FKTN: variants seen among roughly 807,000 people sequenced by gnomAD.
The protein encoded by FKTN is fukutin, also known as ribitol-5-phosphate transferase FKTN.
A neutral mutation model predicts 58.6 loss-of-function variants in FKTN; 47 were observed. The observed-to-expected ratio is 0.80, with a 90% confidence interval of 0.63 to 1.02. FKTN has a LOEUF of 1.02. Ranked by LOEUF, FKTN falls within the 50% of genes least tolerant of loss-of-function variation. The pLI, the probability that FKTN is intolerant of heterozygous loss-of-function variation, is 0.00. For missense variants in FKTN, 516 were observed against 537.3 expected, an observed-to-expected ratio of 0.96 and a Z score of 0.39; for synonymous variants, 178 against 191.9, an observed-to-expected ratio of 0.93 and a Z score of 0.60.
In FKTN at chr9:105,637,991, G is replaced by A; in HGVS notation, c.*2727G>A. On this transcript the variant is annotated 3_prime_UTR_variant, in exon 11 of 11. Transcript: ENST00000357998. ...CCACTAGGTGACAGAATGTTTGCCA[G>A]TATCCCCACAAAACAAGTTAAAACT... 1.0e-6 allele frequency: 1 copy of A among 985,322 alleles called. No homozygotes were observed. Among genetic ancestry groups the A allele is most frequent in the Non-Finnish European group, 1.2e-6 (1 of 829,838 alleles). The allele number at this position is 985,322 out of a possible 1,614,324, so 61.0% of individuals were successfully genotyped here. A position where few individuals can be genotyped will look rare whatever the true frequency, so the allele number is the denominator to read the frequency against.
At chr9:105,594,367 A>T (rs1826362111) in intron 3 of FKTN, among the ~76,000 whole-genome samples, 1 of 152,208 alleles carries the variant, frequency 6.6e-6, no homozygotes, top group Non-Finnish European at 1.5e-5. Flanking sequence ...AAGGGGGAAA[A>T]GTCATCTAGG....
In FKTN at chr9:105,639,958, A is replaced by T. The variant is rs1010530315; in HGVS notation, c.*4694A>T. 6.7e-6 allele frequency: 10 copies of T among 1,492,838 alleles called. No homozygotes were observed. The highest frequency in any genetic ancestry group is 8.9e-6 in the Non-Finnish European group (10 of 1,125,118). The allele number at this position is 1,492,838 out of a possible 1,614,324, so 92.5% of individuals were successfully genotyped here. On this transcript the variant is annotated 3_prime_UTR_variant, in exon 11 of 11. Transcript: ENST00000357998. ...TTAGTGAAATTAGATATAAGCCATG[A>T]TTTGGAGAGGGAAGAAATCTGGAAT...
At chr9:105,616,045 C>G (rs1305291024) in intron 8 of FKTN, among the ~76,000 whole-genome samples, 54 of 152,098 alleles carry the variant, frequency 3.6e-4, no homozygotes, top group Admixed American at 3.5e-3. Context: ...CTGGGAAAAT[C>G]AAGGAATGTG....
intron 3 of FKTN, among the ~76,000 whole-genome samples, chr9:105,585,580 C>T (rs1183915511): frequency 1.3e-5 from 2 of 152,156 alleles, no homozygotes; most frequent in African/African-American, 2.4e-5. Context: ...CTCACTTACA[C>T]GCAGCGTTTT....
Position 105,576,171 on chromosome 9 carries a change from A to AT in FKTN, c.105+1042dup, listed in dbSNP as rs564539175. 5.9e-3 allele frequency among the ~76,000 whole-genome samples: 811 copies of AT among 137,526 alleles called. 9 individuals are homozygous for AT. The highest frequency in any genetic ancestry group is 0.021 in the African/African-American group (785 of 37,400). The allele number at this position is 137,526 out of a possible 152,430, so 90.2% of individuals were successfully genotyped here. A position where few individuals can be genotyped will look rare whatever the true frequency, so the allele number is the denominator to read the frequency against. On this transcript the variant is annotated intron_variant, in intron 3 of 10. Coordinates refer to ENST00000357998, the MANE Select transcript of FKTN (RefSeq NM_001079802.2). The stretch of plus-strand genomic sequence containing the variant: ...TTTTTTTTTTTTTTTTAATTAATTT[A>AT]TTTTTTTTATTATACTTTAAGTTTT...
intron 10 of FKTN, among the ~76,000 whole-genome samples, chr9:105,631,681 T>G (rs1045182725): frequency 6.6e-6 from 1 of 151,372 alleles, no homozygotes; most frequent in Non-Finnish European, 1.5e-5. Context: ...TCATCATCAC[T>G]GGCCATCAGA....
chr9:105,575,254 T>C, intron 3 of FKTN, 117 bp downstream of exon 3: 1 of 713,184 alleles, frequency 1.4e-6, no homozygotes, highest in Non-Finnish European at 2.5e-6. Context: ...CTTGCATCTT[T>C]GCGAGGTGTG....
chr9:105,601,149 C>G lies in FKTN; in HGVS notation c.170C>G (p.Ala57Gly), dbSNP rs1554751104. ...RIGFDSTQWR[A>G]VKKFIMLTSN... Reference sequence around the variant, plus strand: ...AATTCTTTTTCTCTCAAACAGCGTGCAGTTAAAAAATTTATTATGTTAACA... The same window carrying G: ...AATTCTTTTTCTCTCAAACAGCGTGGAGTTAAAAAATTTATTATGTTAACA... The change falls in exon 5 of 11, where the codon GCA becomes GGA. Residue 57 changes from alanine to glycine, a missense_variant. Transcript: ENST00000357998. The G allele has an allele frequency of 6.3e-7, 1 of 1,575,612 alleles. No individual in the cohort carries two copies. The highest frequency in any genetic ancestry group is 8.7e-7 in the Non-Finnish European group (1 of 1,146,470).
intron 10 of FKTN, among the ~76,000 whole-genome samples, chr9:105,633,858 G>A (rs1833770315): frequency 6.6e-6 from 1 of 152,120 alleles, no homozygotes; most frequent in South Asian, 2.1e-4. Context: ...TCCACAATAT[G>A]ATTACACTTT....
At chr9:105,591,562 C>A (rs1336469751) in intron 3 of FKTN, among the ~76,000 whole-genome samples, 1 of 152,196 alleles carries the variant, frequency 6.6e-6, no homozygotes, top group East Asian at 1.9e-4. Flanking sequence ...CAGCTCAGAC[C>A]CTGTGGCTTT....
chr9:105,620,820 GTA>G (rs1831782437), intron 10 of FKTN, among the ~76,000 whole-genome samples: 2 of 144,986 alleles, frequency 1.4e-5, no homozygotes, highest in African/African-American at 2.5e-5. Flanking sequence ...AGTAGTAGTA[GTA>G]AAGAAAACTA....
intron 6 of FKTN, among the ~76,000 whole-genome samples, chr9:105,605,755 A>G (rs2132840310): frequency 6.6e-6 from 1 of 152,268 alleles, no homozygotes; most frequent in Admixed American, 6.5e-5. Context: ...GCATAGTGGG[A>G]GAAAGAGGGG....
At chr9:105,570,806 A>C (rs1364556653) in intron 1 of FKTN, among the ~76,000 whole-genome samples, 2 of 152,176 alleles carry the variant, frequency 1.3e-5, no homozygotes, top group African/African-American at 4.8e-5. Context: ...AAGAATATTG[A>C]AGACTTCCTT....
chr9:105,595,211 T>C (rs992189589), intron 3 of FKTN, among the ~76,000 whole-genome samples: 2 of 152,176 alleles, frequency 1.3e-5, no homozygotes, highest in Non-Finnish European at 2.9e-5. Context: ...GAACATAGTT[T>C]CTTTTTGGAG....
At position 105,617,970 on chromosome 9, in the gene FKTN, C is replaced by CT; in HGVS notation, c.922_923insT (p.Gln308LeufsTer8). 6.3e-7 allele frequency: 1 copy of CT among 1,586,548 alleles called. No homozygotes were observed. The highest frequency in any genetic ancestry group is 1.1e-5 in the South Asian group (1 of 90,292). ...AATCTTCTTTTTAGGATGGTATCGACAATGCAACATTATTCCTTATAGCAA... is the reference window on the plus strand; with the variant it reads ...AATCTTCTTTTTAGGATGGTATCGACTAATGCAACATTATTCCTTATAGCAA... On this transcript the variant is annotated frameshift_variant, in exon 9 of 11. Coordinates refer to ENST00000357998, the MANE Select transcript of FKTN (RefSeq NM_001079802.2). LOFTEE classifies it high-confidence loss of function.
chr9:105,590,300 T>C (rs1285716059), intron 3 of FKTN, among the ~76,000 whole-genome samples: 1 of 152,182 alleles, frequency 6.6e-6, no homozygotes, highest in African/African-American at 2.4e-5. Context: ...TTTTCTCTTG[T>C]CTGCTGCCAT....
At chr9:105,559,715 T>A (rs1837916660) in intron 1 of FKTN, among the ~76,000 whole-genome samples, 1 of 151,862 alleles carries the variant, frequency 6.6e-6, no homozygotes, top group Non-Finnish European at 1.5e-5. Context: ...TTTGAACATG[T>A]TAAATTTGAG....
chr9:105,627,648 C>G (rs1832899755), intron 10 of FKTN, among the ~76,000 whole-genome samples: 1 of 152,218 alleles, frequency 6.6e-6, no homozygotes, highest in Admixed American at 6.5e-5. Flanking sequence ...GCATGTCCCA[C>G]TTCTGCTCAT....
intron 1 of FKTN, among the ~76,000 whole-genome samples, chr9:105,568,775 G>C (rs1248824360): frequency 1.3e-4 from 20 of 152,040 alleles, no homozygotes; most frequent in African/African-American, 4.6e-4. Flanking sequence ...TTGACCCAGT[G>C]ATCCCATTAC....
Sources: allele counts gnomAD v4.1 joint callset (sites outside exome capture counted in the v4.1 genomes callset), GRCh38; gene constraint gnomAD v4.1.1; transcripts MANE v1.5; gene names NCBI Gene and HGNC (gene_info 2026-07-23, HGNC 2026-07-21).